RAD9B: variants seen among roughly 807,000 people sequenced by gnomAD.
The protein encoded by RAD9B is cell cycle checkpoint control protein RAD9B.
A neutral mutation model predicts 48.3 loss-of-function variants in RAD9B; 41 were observed. That is an observed-to-expected ratio of 0.85 (90% confidence interval 0.66 to 1.10). The LOEUF (loss-of-function observed/expected upper bound fraction) is 1.10, where lower values mean the gene tolerates loss of function less well. RAD9B is among the 50% of genes least tolerant of loss of function. RAD9B has a pLI of 0.00. For synonymous variants in RAD9B, 160 were observed against 157.9 expected, an observed-to-expected ratio of 1.01 and a Z score of -0.10; for missense variants, 444 against 485.1, an observed-to-expected ratio of 0.92 and a Z score of 0.80.
intron 8 of RAD9B, 97 bp from the exon 9 acceptor site, chr12:110,519,695 CCT>C (rs749963059): frequency 5.2e-5 from 71 of 1,375,574 alleles, no homozygotes; most frequent in Middle Eastern, 4.4e-4. Flanking sequence ...CTTGGCCTCC[CCT>C]GTTTCTTTTT....
rs574765926 is a variant in RAD9B, at chr12:110,533,554, A to G, written c.*2901A>G. 2.3e-4 allele frequency: 35 copies of G among 152,320 alleles called. No homozygotes were observed. The highest frequency in any genetic ancestry group is 4.4e-4 in the Non-Finnish European group (30 of 68,028). The allele number at this position is 152,320 out of a possible 1,614,324, so 9.4% of individuals were successfully genotyped here. A position where few individuals can be genotyped will look rare whatever the true frequency, so the allele number is the denominator to read the frequency against. On this transcript the variant is annotated 3_prime_UTR_variant, in exon 11 of 11. Transcript: ENST00000409300. ...TTAATTTTAAATAAATAGAATCCAA[A>G]TATGTCCTGCTTCATGTTTTGTTTC... is the stretch of plus-strand genomic sequence containing the variant.
At chr12:110,519,357 GCCTC>G (rs2063702979) in intron 8 of RAD9B, among the ~76,000 whole-genome samples, 1 of 152,068 alleles carries the variant, frequency 6.6e-6, no homozygotes, top group Non-Finnish European at 1.5e-5. Context: ...ACCAGCCTCG[GCCTC>G]CCAAAGTGCT....
At chr12:110,530,129 G>A (rs1488681409) in intron 10 of RAD9B, among the ~76,000 whole-genome samples, 9 of 152,038 alleles carry the variant, frequency 5.9e-5, no homozygotes, top group South Asian at 2.1e-4. Context: ...TGCAAGCTCC[G>A]CCTCCCGGGT....
At chr12:110,525,697 G>A (rs1364977026) in intron 10 of RAD9B, among the ~76,000 whole-genome samples, 1 of 151,942 alleles carries the variant, frequency 6.6e-6, no homozygotes, top group Non-Finnish European at 1.5e-5. Flanking sequence ...GTATTTTGTG[G>A]AGAGATACTT....
intron 3 of RAD9B, among the ~76,000 whole-genome samples, 177 bp downstream of exon 3, chr12:110,505,949 A>G (rs377607735): frequency 3.6e-4 from 55 of 152,086 alleles, no homozygotes; most frequent in African/African-American, 1.2e-3. Context: ...CAGTGGTGCA[A>G]TCTTGGCTCA....
chr12:110,511,118 C>T lies in RAD9B; in HGVS notation c.389-1661C>T, dbSNP rs1292325359. Among the ~76,000 whole-genome samples the T allele has an allele frequency of 3.9e-5, 6 of 152,268 alleles. No homozygotes were observed. In the East Asian group the frequency reaches 1.2e-3, roughly 29 times the overall value. On this transcript the variant is annotated intron_variant, in intron 4 of 10. Transcript: ENST00000409300. Reference sequence around the variant, plus strand: ...TGAAAGAGAGTAATAGAGATATGATCTGTAGTCTGCAATCACTATTTTACA... The same window carrying T: ...TGAAAGAGAGTAATAGAGATATGATTTGTAGTCTGCAATCACTATTTTACA...
chr12:110,511,863 T>C (rs538960067), intron 4 of RAD9B, among the ~76,000 whole-genome samples: 1 of 152,258 alleles, frequency 6.6e-6, no homozygotes, highest in African/African-American at 2.4e-5. Flanking sequence ...TTCTTTTTTT[T>C]TTGAGACAGA....
At chr12:110,526,840 C>T (rs1293208494) in intron 10 of RAD9B, among the ~76,000 whole-genome samples, 7 of 149,352 alleles carry the variant, frequency 4.7e-5, no homozygotes, top group South Asian at 2.1e-4. Flanking sequence ...ACCCAGGAGG[C>T]GGAGCTTGCA....
At chr12:110,520,388 T>A (rs926274006) in intron 9 of RAD9B, among the ~76,000 whole-genome samples, 10 of 152,034 alleles carry the variant, frequency 6.6e-5, no homozygotes, top group Admixed American at 1.3e-4. Flanking sequence ...TTTGTATTTT[T>A]TTTTGTAGAG....
At chr12:110,525,095 C>T (rs558948508) in intron 10 of RAD9B, among the ~76,000 whole-genome samples, 9 of 152,220 alleles carry the variant, frequency 5.9e-5, no homozygotes, top group African/African-American at 1.7e-4. Flanking sequence ...AAGTGATTCT[C>T]CTGCCTCAGC....
intron 4 of RAD9B, chr12:110,511,444 A>G (rs1274126316): frequency 4.4e-6 from 2 of 452,110 alleles, no homozygotes; most frequent in Non-Finnish European, 8.9e-6. Context: ...GGATGGAACT[A>G]GAGGTCACTA....
chr12:110,516,559 C>A (rs987626716), intron 6 of RAD9B, among the ~76,000 whole-genome samples: 2 of 152,044 alleles, frequency 1.3e-5, no homozygotes, highest in African/African-American at 4.8e-5. Context: ...CGCCTGTAAT[C>A]CCAGCACTTT....
At chr12:110,517,182 T>A (rs2135699844) in intron 6 of RAD9B, among the ~76,000 whole-genome samples, 1 of 149,962 alleles carries the variant, frequency 6.7e-6, no homozygotes, top group East Asian at 2.0e-4. Context: ...AAATAAAAAA[T>A]TAGCCAGGTA....
intron 1 of RAD9B, chr12:110,503,247 AAAAAAAT>A (rs2063148408): frequency 6.5e-6 from 1 of 153,090 alleles, no homozygotes; most frequent in South Asian, 2.0e-4. Flanking sequence ...CTCTGTCTCA[AAAAAAAT>A]AAAAAATAAA....
chr12:110,505,287 C>T (rs772154056), intron 2 of RAD9B, among the ~76,000 whole-genome samples: 2 of 151,872 alleles, frequency 1.3e-5, no homozygotes, highest in South Asian at 2.1e-4. Flanking sequence ...TATAGGTGTA[C>T]ATATATGTAT....
At chr12:110,512,952 G>T in intron 5 of RAD9B, 74 bp downstream of exon 5, 1 of 719,736 alleles carries the variant, frequency 1.4e-6, no homozygotes, top group Non-Finnish European at 2.3e-6. Flanking sequence ...CAATGCCCTA[G>T]AGCTTTTCAG....
intron 5 of RAD9B, among the ~76,000 whole-genome samples, chr12:110,514,342 AG>A (rs1260144280): frequency 1.3e-5 from 2 of 152,212 alleles, no homozygotes; most frequent in African/African-American, 2.4e-5. Context: ...AATAATAAAA[AG>A]ACAGCCCAGC....
At chr12:110,510,094 A>C (rs1379053434) in intron 4 of RAD9B, among the ~76,000 whole-genome samples, 1 of 152,174 alleles carries the variant, frequency 6.6e-6, no homozygotes, top group Non-Finnish European at 1.5e-5. Flanking sequence ...GTAGCTCCCC[A>C]TTTTACCCAG....
intron 5 of RAD9B, among the ~76,000 whole-genome samples, chr12:110,514,457 TCAAA>T (rs1255181097): frequency 6.6e-6 from 1 of 152,118 alleles, no homozygotes; most frequent in East Asian, 1.9e-4. Flanking sequence ...GAAATGCAAA[TCAAA>T]CAATTTTCAA....
Sources: allele counts gnomAD v4.1 joint callset (sites outside exome capture counted in the v4.1 genomes callset), GRCh38; gene constraint gnomAD v4.1.1; transcripts MANE v1.5; gene names NCBI Gene and HGNC (gene_info 2026-07-23, HGNC 2026-07-21).